The following CNTNAP5 variants were observed in gnomAD, a reference collection of about 807,000 sequenced individuals.
The protein encoded by CNTNAP5 is contactin associated protein family member 5, also known as contactin-associated protein-like 5.
In CNTNAP5, 72 loss-of-function variants were observed where a neutral mutation model predicts 150.2. The observed-to-expected ratio is 0.48, with a 90% CI of 0.40 to 0.58. The LOEUF is 0.58. Ranked by LOEUF, CNTNAP5 falls within the 20% of genes least tolerant of loss-of-function variation. The pLI, the probability that CNTNAP5 is intolerant of heterozygous loss-of-function variation, is 0.00. For missense variants in CNTNAP5, 1,636 were observed against 1,626.2 expected, an observed-to-expected ratio of 1.01 and a Z score of -0.10; for synonymous variants, 672 against 619.8, an observed-to-expected ratio of 1.08 and a Z score of -1.25.
chr2:124,083,550 T>C (rs1212261888), intron 1 of CNTNAP5, among the ~76,000 whole-genome samples: 4 of 152,230 alleles, frequency 2.6e-5, no homozygotes, highest in African/African-American at 9.6e-5. Flanking sequence ...CTAAAAGTTT[T>C]AGAGTTTTAA....
At chr2:124,289,345 A>G (rs573773713) in intron 3 of CNTNAP5, among the ~76,000 whole-genome samples, 7 of 152,342 alleles carry the variant, frequency 4.6e-5, no homozygotes, top group African/African-American at 1.4e-4. Context: ...TAATAAATGT[A>G]TGGAGGATTT....
intron 6 of CNTNAP5, among the ~76,000 whole-genome samples, chr2:124,459,171 GCATGGGAAC>G (rs1693190525): frequency 1.3e-5 from 2 of 152,212 alleles, no homozygotes; most frequent in Non-Finnish European, 2.9e-5. Context: ...GGTCAGCCCT[GCATGGGAAC>G]AGCTTTGCTC....
intron 21 of CNTNAP5, among the ~76,000 whole-genome samples, chr2:124,881,759 G>C (rs185401056): frequency 6.6e-6 from 1 of 152,156 alleles, no homozygotes; most frequent in Admixed American, 6.5e-5. Flanking sequence ...GTATGTAGCT[G>C]CTTCCTTGGG....
Position 124,902,999 on chromosome 2 carries a change from C to T in CNTNAP5, c.3554C>T (p.Thr1185Ile). Residue 1185 changes from threonine (T) to isoleucine (I), a missense_variant, in exon 22 of 24, where the codon ACT (threonine) becomes ATT (isoleucine). Coordinates refer to ENST00000682447, the MANE Select transcript of CNTNAP5 (RefSeq NM_001367498.1). ...APLKAALRHA[T>I]VAPVTVHGTL... is the part of the protein sequence containing the mutation. Reference sequence around the variant, plus strand: ...CTGAAGGCTGCCCTGCGCCATGCCACTGTCGCGCCTGTGACTGTCCATGGG... The same window carrying T: ...CTGAAGGCTGCCCTGCGCCATGCCATTGTCGCGCCTGTGACTGTCCATGGG... The T allele has an allele frequency of 3.7e-6, 6 of 1,612,034 alleles. No individual in the cohort carries two copies. The highest frequency in any genetic ancestry group is 5.1e-6 in the Non-Finnish European group (6 of 1,179,054).
chr2:124,212,748 T>G (rs1343358011), intron 1 of CNTNAP5, among the ~76,000 whole-genome samples: 1 of 152,164 alleles, frequency 6.6e-6, no homozygotes, highest in African/African-American at 2.4e-5. Flanking sequence ...GTCTTACGTT[T>G]TGATTCTTTG....
chr2:124,057,299 T>TTG (rs1491027744), intron 1 of CNTNAP5, among the ~76,000 whole-genome samples: 1 of 115,710 alleles, frequency 8.6e-6, no homozygotes, highest in East Asian at 2.2e-4. Context: ...TTTTTTTTTT[T>TTG]GAGGTGGAGT....
chr2:124,285,169 G>A (rs974569893), intron 3 of CNTNAP5, among the ~76,000 whole-genome samples: 4 of 152,232 alleles, frequency 2.6e-5, no homozygotes, highest in Middle Eastern at 3.4e-3. Context: ...CCCAGATAGC[G>A]TTCTCTTCAC....
chr2:124,274,904 C>T (rs1241194639), intron 3 of CNTNAP5, among the ~76,000 whole-genome samples: 1 of 152,028 alleles, frequency 6.6e-6, no homozygotes, highest in South Asian at 2.1e-4. Flanking sequence ...CTGTATTAAC[C>T]CATTTTCATG....
intron 6 of CNTNAP5, among the ~76,000 whole-genome samples, chr2:124,455,429 T>C (rs2104814984): frequency 6.6e-6 from 1 of 152,016 alleles, no homozygotes; most frequent in South Asian, 2.1e-4. Flanking sequence ...ATAAAAAAAG[T>C]CCAGGACCAG....
At chr2:124,247,757 A>G (rs1687067118) in intron 3 of CNTNAP5, among the ~76,000 whole-genome samples, 1 of 152,138 alleles carries the variant, frequency 6.6e-6, no homozygotes, top group Non-Finnish European at 1.5e-5. Flanking sequence ...GAGAGACTGG[A>G]TAGATATTGT....
intron 19 of CNTNAP5, among the ~76,000 whole-genome samples, chr2:124,829,117 G>C (rs555342851): frequency 6.6e-6 from 1 of 152,098 alleles, no homozygotes; most frequent in African/African-American, 2.4e-5. Flanking sequence ...ATAGTGACTC[G>C]GGCAAGAGAT....
intron 13 of CNTNAP5, 149 bp downstream of exon 13, chr2:124,648,107 T>A: frequency 1.5e-6 from 1 of 683,446 alleles, no homozygotes; most frequent in Non-Finnish European, 2.4e-6. Flanking sequence ...GGTCTGGTTA[T>A]GTAGTAATCC....
chr2:124,671,009 C>T (rs1678812402), intron 13 of CNTNAP5, among the ~76,000 whole-genome samples: 1 of 152,166 alleles, frequency 6.6e-6, no homozygotes, highest in Non-Finnish European at 1.5e-5. Flanking sequence ...GCCCAGAGCA[C>T]AGCTTGCTAC....
intron 18 of CNTNAP5, among the ~76,000 whole-genome samples, chr2:124,795,008 TG>T (rs930837977): frequency 6.6e-6 from 1 of 152,210 alleles, no homozygotes; most frequent in Non-Finnish European, 1.5e-5. Context: ...AATTACAGCT[TG>T]GATGATTTCT....
intron 1 of CNTNAP5, among the ~76,000 whole-genome samples, chr2:124,092,190 G>A (rs1249678760): frequency 1.3e-5 from 2 of 152,204 alleles, no homozygotes; most frequent in Non-Finnish European, 2.9e-5. Flanking sequence ...TAAACTAAGA[G>A]ACAGAAAGGT....
chr2:124,297,499 A>G (rs1378499610), intron 3 of CNTNAP5, among the ~76,000 whole-genome samples: 1 of 152,246 alleles, frequency 6.6e-6, no homozygotes, highest in Middle Eastern at 3.4e-3. Context: ...TTGGTTATCT[A>G]GAAGCACCGT....
At chr2:124,285,926 A>G (rs1688139210) in intron 3 of CNTNAP5, among the ~76,000 whole-genome samples, 2 of 152,182 alleles carry the variant, frequency 1.3e-5, no homozygotes, top group African/African-American at 4.8e-5. Context: ...TTATTGGATG[A>G]TGTGAGTTTA....
At position 124,622,051 on chromosome 2, in the gene CNTNAP5, A is replaced by T. The variant is rs1488301311; in HGVS notation, c.1876+12131A>T. On this transcript the variant is annotated intron_variant, in intron 12 of 23. Transcript: ENST00000682447. Reference sequence around the variant, plus strand: ...TGTGCCGTGATGGTTTGCTGCACAGATCACCCCATCACCTAGATATTAAGC... The same window carrying T: ...TGTGCCGTGATGGTTTGCTGCACAGTTCACCCCATCACCTAGATATTAAGC... 5.3e-5 allele frequency among the ~76,000 whole-genome samples: 8 copies of T among 152,112 alleles called. No homozygotes were observed. The East Asian group carries it at 1.4e-3, about 26-fold the overall frequency.
Position 124,661,566 on chromosome 2 carries a change from C to CT in CNTNAP5, c.2077+13618dup, listed in dbSNP as rs35551884. On this transcript the variant is annotated intron_variant, in intron 13 of 23. Coordinates refer to ENST00000682447, the MANE Select transcript of CNTNAP5 (RefSeq NM_001367498.1). ...GAAGGGCCTGCCTGAGGCTGTTTCACTTTTTTTTTTAATAAGTAGAAATGG... is the reference window on the plus strand; with the variant it reads ...GAAGGGCCTGCCTGAGGCTGTTTCACTTTTTTTTTTTAATAAGTAGAAATGG... Among the ~76,000 whole-genome samples the CT allele has an allele frequency of 7.3e-5, 11 of 150,358 alleles. No homozygotes were observed. In the East Asian group the frequency reaches 7.9e-4, roughly 11 times the overall value.
Sources: allele counts gnomAD v4.1 joint callset (sites outside exome capture counted in the v4.1 genomes callset), GRCh38; gene constraint gnomAD v4.1.1; transcripts MANE v1.5; gene names NCBI Gene and HGNC (gene_info 2026-07-23, HGNC 2026-07-21).